Variants in AFG2A observed in about 807,000 individuals in gnomAD.
AFG2A encodes AAA ATPase AFG2A.
At chr4:123,240,016 T>C in the AFG2A span, among the ~76,000 whole-genome samples, 7 of 152,112 alleles carry the variant, frequency 4.6e-5, no homozygotes, top group South Asian at 1.5e-3. Context: ...AGAAAAATCA[T>C]AGGTTGCAAT....
the AFG2A span, among the ~76,000 whole-genome samples, chr4:122,999,209 C>T: frequency 4.6e-5 from 7 of 150,548 alleles, no homozygotes; most frequent in African/African-American, 9.8e-5. Flanking sequence ...TGGATATTAG[C>T]CCTTTGTCAG....
the AFG2A span, among the ~76,000 whole-genome samples, chr4:123,101,371 AATAG>A: frequency 6.6e-6 from 1 of 151,896 alleles, no homozygotes; most frequent in Non-Finnish European, 1.5e-5. Flanking sequence ...CTTTGGTGGA[AATAG>A]ATAAGAGTGA....
the AFG2A span, among the ~76,000 whole-genome samples, chr4:123,071,640 A>T: frequency 6.6e-6 from 1 of 152,218 alleles, no homozygotes; most frequent in African/African-American, 2.4e-5. Flanking sequence ...TCTCTATGTT[A>T]ACAGTTTATA....
At chr4:123,189,973 A>AT in the AFG2A span, among the ~76,000 whole-genome samples, 3 of 150,734 alleles carry the variant, frequency 2.0e-5, no homozygotes, top group South Asian at 2.1e-4. Flanking sequence ...TGGCTAATTT[A>AT]TTTTTTTTAA....
the AFG2A span, among the ~76,000 whole-genome samples, chr4:123,284,073 AT>A: frequency 6.6e-6 from 1 of 152,128 alleles, no homozygotes; most frequent in Non-Finnish European, 1.5e-5. Context: ...ATACATTTTA[AT>A]TTTCCTTTGT....
chr4:122,972,112 T>C, the AFG2A span, among the ~76,000 whole-genome samples: 40 of 152,256 alleles, frequency 2.6e-4, no homozygotes, highest in South Asian at 6.6e-3. Flanking sequence ...TTGGTGACAT[T>C]TATCAGTGAA....
At chr4:123,224,781 A>G in the AFG2A span, among the ~76,000 whole-genome samples, 10,944 of 152,068 alleles carry the variant, frequency 0.072, 1,043 homozygotes, top group African/African-American at 0.22. Context: ...CTGAGGAATC[A>G]CCACACTGAC....
At chr4:123,002,714 C>G in the AFG2A span, among the ~76,000 whole-genome samples, 1 of 152,134 alleles carries the variant, frequency 6.6e-6, no homozygotes, top group Admixed American at 6.5e-5. Flanking sequence ...GTAACCTGAC[C>G]TTTCTCTCTG....
the AFG2A span, among the ~76,000 whole-genome samples, chr4:123,301,209 C>G: frequency 1.2e-3 from 178 of 152,110 alleles, no homozygotes; most frequent in Non-Finnish European, 2.1e-3. Flanking sequence ...TTAGATCCAT[C>G]TAGATATCCA....
the AFG2A span, among the ~76,000 whole-genome samples, chr4:123,007,594 GTGTGTGTGTGTGTGTATATATATATATA>G: frequency 8.4e-5 from 2 of 23,722 alleles, no homozygotes; most frequent in African/African-American, 8.6e-4. Flanking sequence ...GTGTGTGTGT[GTGTGTGTGTGTGTGTATATATATATATA>G]TATATATACA....
the AFG2A span, chr4:122,923,349 C>A: frequency 1.2e-6 from 2 of 1,610,064 alleles, no homozygotes; most frequent in Non-Finnish European, 8.5e-7. Flanking sequence ...GGGGGCGCAA[C>A]CTGAGGGGCG....
chr4:123,142,141 T>C, the AFG2A span, among the ~76,000 whole-genome samples: 2 of 152,204 alleles, frequency 1.3e-5, no homozygotes, highest in African/African-American at 4.8e-5. Flanking sequence ...TGGCATTAAA[T>C]ATCTGTATCA....
chr4:123,272,141 C>A, the AFG2A span, among the ~76,000 whole-genome samples: 4 of 152,086 alleles, frequency 2.6e-5, no homozygotes, highest in African/African-American at 4.8e-5. Context: ...TCAGATAATA[C>A]CAGAGTAGTC....
the AFG2A span, among the ~76,000 whole-genome samples, chr4:123,203,808 A>T: frequency 0.021 from 3,212 of 152,346 alleles, 64 homozygotes; most frequent in Non-Finnish European, 0.035. Flanking sequence ...TTGCTGCTAT[A>T]ACAAATTACC....
chr4:123,010,578 AC>A, the AFG2A span, among the ~76,000 whole-genome samples: 1 of 151,324 alleles, frequency 6.6e-6, no homozygotes, highest in African/African-American at 2.4e-5. Flanking sequence ...AGATATTAAA[AC>A]CTTTACCAAC....
the AFG2A span, among the ~76,000 whole-genome samples, chr4:123,173,007 AAACTT>A: frequency 6.6e-6 from 1 of 152,180 alleles, no homozygotes; most frequent in African/African-American, 2.4e-5. Flanking sequence ...AAAATGTAGA[AAACTT>A]AAATAGGTTA....
the AFG2A span, among the ~76,000 whole-genome samples, chr4:123,294,325 T>C: frequency 1.3e-5 from 2 of 152,340 alleles, no homozygotes; most frequent in South Asian, 4.1e-4. Flanking sequence ...ATGCCAGCTA[T>C]GGAAGTAATG....
the AFG2A span, among the ~76,000 whole-genome samples, chr4:122,969,470 T>G: frequency 3.9e-5 from 6 of 152,200 alleles, no homozygotes; most frequent in East Asian, 9.6e-4. Flanking sequence ...TCTTCAATAC[T>G]TTCAGCCTTA....
the AFG2A span, among the ~76,000 whole-genome samples, chr4:123,136,660 G>A: frequency 6.6e-6 from 1 of 151,098 alleles, no homozygotes; most frequent in African/African-American, 2.4e-5. Context: ...GGCAACAAAA[G>A]CAAAATTCCG....
Sources: gnomAD v4.1 joint callset for allele counts (sites outside exome capture counted in the v4.1 genomes callset) on GRCh38, gnomAD v4.1.1 for gene constraint, MANE v1.5 for transcripts, NCBI Gene and HGNC (gene_info 2026-07-23, HGNC 2026-07-21) for gene names.